NSMF: variants seen among roughly 807,000 people sequenced by gnomAD.
NSMF encodes NMDA receptor synaptonuclear signaling and neuronal migration factor.
NSMF carries 31 observed loss-of-function variants against 71.0 expected under a neutral mutation model. The observed-to-expected ratio is 0.44, with a 90% CI of 0.33 to 0.59. The LOEUF (loss-of-function observed/expected upper bound fraction) is 0.59, where lower values mean the gene tolerates loss of function less well. NSMF is among the 20% of genes least tolerant of loss of function. NSMF has a pLI of 0.04. For missense variants in NSMF, 673 were observed against 740.5 expected (o/e 0.91, Z 1.06); for synonymous variants, 345 against 287.1 (o/e 1.20, Z -2.04).
At position 137,453,724 on chromosome 9, in the gene NSMF, C is replaced by T; in HGVS notation, c.922+7G>A. 2.5e-6 allele frequency: 4 copies of T among 1,597,052 alleles called. No individual in the cohort carries two copies. Among genetic ancestry groups the T allele is most frequent in the Non-Finnish European group, 3.4e-6 (4 of 1,175,378 alleles). ...GGAAGGTGGGCGGGCCTGTGCGGGG[C>T]ACCTACTGTCTCGGGAGTCGTGGGA... On this transcript the variant is annotated splice_region_variant and intron_variant, in intron 8 of 15. Coordinates refer to ENST00000371475, the MANE Select transcript of NSMF (RefSeq NM_001130969.3). The surrounding 1 kb of genome is among the most constrained non-coding windows in gnomAD (Gnocchi z 4.5).
At position 137,453,505 on chromosome 9, in the gene NSMF, G is replaced by A. The variant is rs550006705; in HGVS notation, c.922+226C>T. On this transcript the variant is annotated intron_variant, in intron 8 of 15. Coordinates refer to ENST00000371475, the MANE Select transcript of NSMF (RefSeq NM_001130969.3). This position sits in a 1 kb window ranked among gnomAD's most constrained non-coding sequence, Gnocchi z 4.5. ...CCCCTGAGGGCCTCTTGCGAGTGGC[G>A]GTGGGCACGGCCCTACAGGCGCCCC... 535 of 599,044 alleles carry A rather than the reference G, an allele frequency of 8.9e-4. 1 individual carries two copies. Among genetic ancestry groups the A allele is most frequent in the Non-Finnish European group, 1.2e-3 (394 of 338,882 alleles). The allele number at this position is 599,044 out of a possible 1,614,324, so 37.1% of individuals were successfully genotyped here.
In NSMF at chr9:137,448,886, ACG is replaced by A; in HGVS notation, c.*506_*507del. On this transcript the variant is annotated 3_prime_UTR_variant, in exon 16 of 16. Coordinates refer to ENST00000371475, the MANE Select transcript of NSMF (RefSeq NM_001130969.3). This position sits in a 1 kb window ranked among gnomAD's most constrained non-coding sequence, Gnocchi z 5.3. ...TGGGCAGCCCGGCGACGCTGGCCCC[ACG>A]CACACGGGCCACCCTGGTGCTGGTG... 1 of 230,664 alleles carries A rather than the reference ACG, an allele frequency of 4.3e-6. No individual in the cohort carries two copies. Among genetic ancestry groups the A allele is most frequent in the East Asian group, 1.2e-4 (1 of 8,066 alleles). The allele number at this position is 230,664 out of a possible 1,614,324, so 14.3% of individuals were successfully genotyped here.
rs976717349 is a variant in NSMF at position 137,453,944 on chromosome 9, G to A, written c.833-124C>T. On this transcript the variant is annotated intron_variant, in intron 7 of 15. Transcript: ENST00000371475. This position sits in a 1 kb window ranked among gnomAD's most constrained non-coding sequence, Gnocchi z 4.5. ...GAAGCTAATGTGGGTGGGGTCTAAG[G>A]CACATGAAGCAGACACGGACCAGAG... 1.4e-5 allele frequency: 11 copies of A among 777,096 alleles called. No individual in the cohort carries two copies. Among genetic ancestry groups the A allele is most frequent in the Admixed American group, 2.2e-5 (1 of 45,304 alleles). 48.1% of individuals were successfully genotyped at this position (777,096 alleles called of 1,614,324 possible).
intron 6 of NSMF, 102 bp from the exon 7 acceptor site, chr9:137,454,545 G>A (rs1380406558): frequency 3.2e-6 from 5 of 1,549,084 alleles, no homozygotes; most frequent in Non-Finnish European, 4.4e-6. Context: ...CACCCCTTCG[G>A]TGTGGGAAGC....
Position 137,449,447 on chromosome 9 carries a change from G to A in NSMF, c.1540C>T (p.Leu514=), listed in dbSNP as rs1426441937. Residue 514 remains leucine, a synonymous_variant, in exon 16 of 16, where the codon CTG becomes TTG. Coordinates refer to ENST00000371475, the MANE Select transcript of NSMF (RefSeq NM_001130969.3). ...ETYFDFRLYR[L]WKSRQHSKLL... is the part of the protein sequence containing the mutation. ...TTCGAGTGCTGGCGGCTCTTCCACA[G>A]GCGATACAACCGGAAGTCAAAGTAC... The A allele has an allele frequency of 2.5e-6, 4 of 1,612,928 alleles. No individual in the cohort carries two copies. Among genetic ancestry groups the A allele is most frequent in the African/African-American group, 1.3e-5 (1 of 75,042 alleles).
chr9:137,453,561 C>T lies in NSMF; in HGVS notation c.922+170G>A, dbSNP rs1830659066. On this transcript the variant is annotated intron_variant, in intron 8 of 15. Transcript: ENST00000371475. This position sits in a 1 kb window ranked among gnomAD's most constrained non-coding sequence, Gnocchi z 4.5. ...AGCACTGCCGCGGCCGTTGTTAGCC[C>T]CGCCTTTGCGATCGGAGATGCTGAG... 2 of 633,614 alleles carry T rather than the reference C, an allele frequency of 3.2e-6. No individual in the cohort carries two copies. The highest frequency in any genetic ancestry group is 2.0e-5 in the South Asian group (1 of 50,678). The allele number at this position is 633,614 out of a possible 1,614,324, so 39.2% of individuals were successfully genotyped here.
Position 137,453,347 on chromosome 9 carries a change from A to G in NSMF, c.923-167T>C, listed in dbSNP as rs1830642548. 1 of 905,238 alleles carries G rather than the reference A, an allele frequency of 1.1e-6. No homozygotes were observed. The highest frequency in any genetic ancestry group is 2.4e-5 in the Admixed American group (1 of 42,012). 56.1% of individuals were successfully genotyped at this position (905,238 alleles called of 1,614,324 possible). On this transcript the variant is annotated intron_variant, in intron 8 of 15. Coordinates refer to ENST00000371475, the MANE Select transcript of NSMF (RefSeq NM_001130969.3). This position sits in a 1 kb window ranked among gnomAD's most constrained non-coding sequence, Gnocchi z 4.5. ...AGCCCGGCAGGACAGGCCTGTGGAC[A>G]CCACTGGGCAGCGGCCTGATGTGGG...
chr9:137,448,969 T>C lies in NSMF; in HGVS notation c.*425A>G. On this transcript the variant is annotated 3_prime_UTR_variant, in exon 16 of 16. Coordinates refer to ENST00000371475, the MANE Select transcript of NSMF (RefSeq NM_001130969.3). The surrounding 1 kb of genome is among the most constrained non-coding windows in gnomAD (Gnocchi z 5.3). ...AGGGTCCTGAACACATGTGGGCTGC[T>C]GGGCTGCTGGGCCGGGGTGCCTACA... 1 of 322,222 alleles carries C rather than the reference T, an allele frequency of 3.1e-6. No individual in the cohort carries two copies. The highest frequency in any genetic ancestry group is 6.1e-6 in the Non-Finnish European group (1 of 164,940). 20.0% of individuals were successfully genotyped at this position (322,222 alleles called of 1,614,324 possible).
rs778638506 is a variant in NSMF, at chr9:137,449,472, C to G, written c.1515G>C (p.Thr505=). ...GGCGATACAACCGGAAGTCAAAGTA[C>G]GTCTCGATCATCTGCTTCCCTGGGC... The part of the protein sequence containing the change: ...LSAQGKQMIE[T]YFDFRLYRLW... The change falls in exon 16 of 16, where the codon ACG becomes ACC. Residue 505 remains threonine, a synonymous_variant. Coordinates refer to ENST00000371475, the MANE Select transcript of NSMF (RefSeq NM_001130969.3). 6.2e-7 allele frequency: 1 copy of G among 1,612,754 alleles called. No homozygotes were observed. The highest frequency in any genetic ancestry group is 8.5e-7 in the Non-Finnish European group (1 of 1,179,930).
rs767300873 is a variant in NSMF at position 137,449,433 on chromosome 9, G to A, written c.1554C>T (p.Arg518=). ...CAAAGTCCAGCAGCTTCGAGTGCTG[G>A]CGGCTCTTCCACAGGCGATACAACC... The part of the protein sequence containing the change: ...DFRLYRLWKS[R]QHSKLLDFDD... Residue 518 remains arginine, a synonymous_variant, in exon 16 of 16, where the codon CGC becomes CGT. Coordinates refer to ENST00000371475, the MANE Select transcript of NSMF (RefSeq NM_001130969.3). 3.1e-6 allele frequency: 5 copies of A among 1,612,966 alleles called. No homozygotes were observed. In the South Asian group the frequency reaches 5.5e-5, roughly 18 times the overall value.
Position 137,457,582 on chromosome 9 carries a change from G to A in NSMF, c.453C>T (p.Ser151=), listed in dbSNP as rs761028682. 6.4e-7 allele frequency: 1 copy of A among 1,569,166 alleles called. No homozygotes were observed. The highest frequency in any genetic ancestry group is 8.6e-7 in the Non-Finnish European group (1 of 1,157,548). The change falls in exon 3 of 16, where the codon AGC becomes AGT. Residue 151 remains serine, a synonymous_variant. Coordinates refer to ENST00000371475, the MANE Select transcript of NSMF (RefSeq NM_001130969.3). ...ASPGGSREDV[S]RPCQSWAGSR... ...TGCCCGCCCAGCTCTGGCAGGGCCT[G>A]CTGACGTCCTCCCGGCTGCCACCAG... is the stretch of plus-strand genomic sequence containing the variant.
chr9:137,449,911 G>T lies in NSMF; in HGVS notation c.1419+12C>A, dbSNP rs781498258. On this transcript the variant is annotated intron_variant, in intron 14 of 15. Coordinates refer to ENST00000371475, the MANE Select transcript of NSMF (RefSeq NM_001130969.3). ...TCCAGAGGTCTGGGGTGGGGCTTGGGGGTCACTGTACCTTCTCTCCATTGG... is the reference window on the plus strand; with the variant it reads ...TCCAGAGGTCTGGGGTGGGGCTTGGTGGTCACTGTACCTTCTCTCCATTGG... The T allele has an allele frequency of 5.4e-5, 86 of 1,604,656 alleles. No individual in the cohort carries two copies. Among genetic ancestry groups the T allele is most frequent in the Non-Finnish European group, 6.9e-5 (81 of 1,172,510 alleles).
At position 137,457,418 on chromosome 9, in the gene NSMF, T is replaced by G; in HGVS notation, c.617A>C (p.Asp206Ala). ...CACAAACCCCTCACCAGACACACGG[T>G]CAACGCTGTACATCCTCTCCAGCTT... ...RKKLERMYSV[D>A]RVSDDIPIRT... Residue 206 changes from aspartate to alanine, a missense_variant, in exon 3 of 16, where the codon GAC (aspartate) becomes GCC (alanine). Transcript: ENST00000371475. 6.2e-7 allele frequency: 1 copy of G among 1,612,814 alleles called. No homozygotes were observed. The highest frequency in any genetic ancestry group is 8.5e-7 in the Non-Finnish European group (1 of 1,179,984).
chr9:137,454,619 C>T, intron 6 of NSMF, 176 bp from the exon 7 acceptor site: 2 of 1,540,334 alleles, frequency 1.3e-6, no homozygotes, highest in Middle Eastern at 3.3e-4. Flanking sequence ...CAGTGCTCTT[C>T]CCGCGACAGC....
intron 1 of NSMF, 29 bp downstream of exon 1, chr9:137,459,003 G>A: frequency 2.4e-6 from 3 of 1,272,772 alleles, no homozygotes; most frequent in South Asian, 2.6e-5. Flanking sequence ...CCAGGGCGGG[G>A]TGCGGGAAGG....
chr9:137,454,997 G>A (rs1049296264), intron 6 of NSMF: 22 of 721,186 alleles, frequency 3.1e-5, no homozygotes, highest in South Asian at 2.1e-4. Context: ...GGGGAGGGGG[G>A]CCTTGCTGCT....
chr9:137,450,300 T>G (rs368361924), intron 12 of NSMF, 45 bp from the exon 13 acceptor site: 1 of 1,504,458 alleles, frequency 6.6e-7, no homozygotes, highest in Non-Finnish European at 9.2e-7. Flanking sequence ...TTCCTCCCCC[T>G]CTCCGACACA....
At chr9:137,452,997 C>T (rs1830617501) in intron 9 of NSMF, 59 bp downstream of exon 9, 2 of 1,608,116 alleles carry the variant, frequency 1.2e-6, no homozygotes, top group African/African-American at 1.3e-5. Flanking sequence ...TGGCTGGACT[C>T]GGGTTGGGGC....
At chr9:137,452,971 T>G (rs535436724) in intron 9 of NSMF, 85 bp downstream of exon 9, 1 of 1,596,480 alleles carries the variant, frequency 6.3e-7, no homozygotes, top group African/African-American at 1.3e-5. Context: ...GAAGGCTGCG[T>G]GGTCCCAGGC....
Sources: allele counts gnomAD v4.1 joint callset, GRCh38; gene constraint gnomAD v4.1.1; non-coding constraint Gnocchi (gnomAD v3.1); transcripts MANE v1.5; gene names NCBI Gene and HGNC (gene_info 2026-07-23, HGNC 2026-07-21).